TAPBPL: variants seen among roughly 807,000 people sequenced by gnomAD.
TAPBPL encodes TAP binding protein like, also known as tapasin-related protein.
Under a neutral mutation model 44.8 loss-of-function variants are expected in TAPBPL, and 32 were observed. The observed-to-expected ratio is 0.71, with a 90% CI of 0.54 to 0.96. TAPBPL has a LOEUF of 0.96. Among genes scored for constraint, TAPBPL ranks in the 40% least tolerant of loss-of-function variants. TAPBPL has a pLI of 0.00. For synonymous variants in TAPBPL, 230 were observed against 240.7 expected, an observed-to-expected ratio of 0.96 and a Z score of 0.41; for missense variants, 520 against 586.6, an observed-to-expected ratio of 0.89 and a Z score of 1.17.
chr12:6,459,065 T>G, intron 5 of TAPBPL, 118 bp downstream of exon 5: 1 of 1,173,080 alleles, frequency 8.5e-7, no homozygotes, highest in East Asian at 2.6e-5. Flanking sequence ...CCTGGCTTCA[T>G]GCTCCTGCCT....
At chr12:6,460,813 C>G (rs749883224) in intron 5 of TAPBPL, 42 bp from the exon 6 acceptor site, 2 of 1,602,120 alleles carry the variant, frequency 1.2e-6, no homozygotes, top group Admixed American at 1.7e-5. Context: ...GCTCATGATT[C>G]CTGCGCACGA....
chr12:6,462,145 G>A lies in TAPBPL; in HGVS notation c.1403G>A (p.Ser468Asn). 1 of 1,609,250 alleles carries A rather than the reference G, an allele frequency of 6.2e-7. No homozygotes were observed. The change falls in exon 7 of 7, where the codon AGC becomes AAC. Residue 468 changes from serine (S) to asparagine (N), a missense_variant. Transcript: ENST00000266556. ...EDRTARVSQP[S>N] ...CGCACAGCGCGTGTAAGCCAGCCCA[G>A]CTGACCTAAAGCGACATGAGACTAC...
In TAPBPL at chr12:6,453,039, C is replaced by T. The variant is rs766721749; in HGVS notation, c.65-28C>T. On this transcript the variant is annotated intron_variant, in intron 1 of 6. Coordinates refer to ENST00000266556, the MANE Select transcript of TAPBPL (RefSeq NM_018009.5). This position sits in a 1 kb window ranked among gnomAD's most constrained non-coding sequence, Gnocchi z 4.8. Reference sequence around the variant, plus strand: ...GTGTGGAGTAGCTTTCTGGGGAAGGCGGTGCTCACCCCAGCCTTTGTCTGC... The same window carrying T: ...GTGTGGAGTAGCTTTCTGGGGAAGGTGGTGCTCACCCCAGCCTTTGTCTGC... 40 of 1,546,300 alleles carry T rather than the reference C, an allele frequency of 2.6e-5. No homozygotes were observed. The highest frequency in any genetic ancestry group is 3.3e-5 in the Non-Finnish European group (38 of 1,143,252).
intron 5 of TAPBPL, 92 bp from the exon 6 acceptor site, chr12:6,460,763 G>A: frequency 8.1e-7 from 1 of 1,237,348 alleles, no homozygotes; most frequent in Non-Finnish European, 1.2e-6. Flanking sequence ...ACAATCCTTA[G>A]CTCCTCCTCC....
downstream of TAPBPL, among the ~76,000 whole-genome samples, chr12:6,468,405 G>A (rs1215058397): frequency 6.6e-6 from 1 of 152,234 alleles, no homozygotes; most frequent in African/African-American, 2.4e-5. Context: ...TAGGTGGAGT[G>A]AGTCAGGACT....
chr12:6,460,166 A>G lies in TAPBPL; in HGVS notation c.1208-689A>G, dbSNP rs1317034785. 2.0e-5 allele frequency among the ~76,000 whole-genome samples: 3 copies of G among 152,208 alleles called. No individual in the cohort carries two copies. The East Asian group carries it at 5.8e-4, about 29-fold the overall frequency. On this transcript the variant is annotated intron_variant, in intron 5 of 6. Coordinates refer to ENST00000266556, the MANE Select transcript of TAPBPL (RefSeq NM_018009.5). ...TGGGCATTATTTGGTTGCTCATTAGACTGTGAACTTCCCCAAAACTGAGGT... is the reference window on the plus strand; with the variant it reads ...TGGGCATTATTTGGTTGCTCATTAGGCTGTGAACTTCCCCAAAACTGAGGT...
chr12:6,464,914 C>T (rs1273511244), downstream of TAPBPL: 3 of 1,613,880 alleles, frequency 1.9e-6, no homozygotes, highest in Admixed American at 1.7e-5. Context: ...ACGATGATGG[C>T]ACAGATGGCT....
downstream of TAPBPL, chr12:6,466,789 G>A (rs1052020747): frequency 3.6e-5 from 6 of 168,606 alleles, no homozygotes; most frequent in African/African-American, 1.4e-4. Context: ...TGGCTACAGG[G>A]ACATATGGCC....
rs562095281 is a variant in TAPBPL, at chr12:6,457,286, C to G, written c.566-120C>G. 1.1e-4 allele frequency: 105 copies of G among 931,712 alleles called. 2 individuals carry two copies. In the South Asian group the frequency reaches 1.7e-3, roughly 15 times the overall value. The allele number at this position is 931,712 out of a possible 1,614,324, so 57.7% of individuals were successfully genotyped here. On this transcript the variant is annotated intron_variant, in intron 3 of 6. Transcript: ENST00000266556. ...GGTTCCATGTGATGGAAAATAAGCTCAACCGGCCTGTCAGGCGAGGAAGAG... is the reference window on the plus strand; with the variant it reads ...GGTTCCATGTGATGGAAAATAAGCTGAACCGGCCTGTCAGGCGAGGAAGAG...
intron 3 of TAPBPL, among the ~76,000 whole-genome samples, chr12:6,455,057 T>C (rs1285676273): frequency 6.6e-6 from 1 of 152,164 alleles, no homozygotes; most frequent in Non-Finnish European, 1.5e-5. Context: ...GGTATTTCTC[T>C]CTTTTTATTC....
At chr12:6,459,020 G>A in intron 5 of TAPBPL, 73 bp downstream of exon 5, 1 of 1,499,890 alleles carries the variant, frequency 6.7e-7, no homozygotes, top group Admixed American at 1.9e-5. Flanking sequence ...CTCATCTATG[G>A]CCTTGTTCTG....
downstream of TAPBPL, chr12:6,464,449 C>T (rs915375675): frequency 5.1e-6 from 8 of 1,565,572 alleles, no homozygotes; most frequent in Admixed American, 1.5e-4. Context: ...CAATGGACAA[C>T]AGGGAAGGGG....
chr12:6,452,151 G>A lies in TAPBPL; in HGVS notation c.-98G>A, dbSNP rs895237022. On this transcript the variant is annotated 5_prime_UTR_variant, in exon 1 of 7. The change creates a new upstream start codon in the 5' untranslated region. Transcript: ENST00000266556. ...AAACCTAAAGGCTGCAGGCTGCCAG[G>A]TGTGCTTGGAGAGCCCCCTTCTTCC... The A allele has an allele frequency of 7.1e-7, 1 of 1,406,722 alleles. No individual in the cohort carries two copies. Among genetic ancestry groups the A allele is most frequent in the Non-Finnish European group, 9.8e-7 (1 of 1,017,430 alleles). The allele number at this position is 1,406,722 out of a possible 1,614,324, so 87.1% of individuals were successfully genotyped here. A position where few individuals can be genotyped will look rare whatever the true frequency, so the allele number is the denominator to read the frequency against.
downstream of TAPBPL, among the ~76,000 whole-genome samples, chr12:6,469,847 C>T (rs1945726057): frequency 6.6e-6 from 1 of 152,184 alleles, no homozygotes. Context: ...GCTCAGCTCT[C>T]CCTATTTCTC....
At position 6,458,646 on chromosome 12, in the gene TAPBPL, T is replaced by G; in HGVS notation, c.906T>G (p.Ala302=). Residue 302 remains alanine (A), a splice_region_variant and synonymous_variant, in exon 5 of 7, where the codon GCT becomes GCG. Transcript: ENST00000266556. The part of the protein sequence containing the change: ...AQQIIQLNIQ[A]SPKVRLSLAN... ...TCTTATTCCTCATTCTTTCTCCAGC[T>G]TCCCCTAAAGTACGACTGAGCTTGG... is the stretch of plus-strand genomic sequence containing the variant. 1.2e-6 allele frequency: 2 copies of G among 1,612,274 alleles called. No homozygotes were observed. The highest frequency in any genetic ancestry group is 1.7e-6 in the Non-Finnish European group (2 of 1,178,420).
downstream of TAPBPL, chr12:6,465,368 ATATAAATG>A (rs1342542353): frequency 4.1e-4 from 41 of 100,574 alleles, 1 homozygote; most frequent in Admixed American, 7.6e-4. Flanking sequence ...GTATATATAT[ATATAAATG>A]TATATATATG....
At chr12:6,470,832 C>G (rs1280486520), downstream of TAPBPL, 3 of 515,626 alleles carry the variant, frequency 5.8e-6, no homozygotes, top group Non-Finnish European at 1.0e-5. Flanking sequence ...CAACTCTCCT[C>G]TCATCCGACT....
rs771582560 is a variant in TAPBPL, at chr12:6,453,320, C to G, written c.295+23C>G. ...CAGGTAAAAGCCTTCCACCTGTGTC[C>G]TTGGTCCTCCCGGGCTCCCTCCACC... is the stretch of plus-strand genomic sequence containing the variant. On this transcript the variant is annotated intron_variant, in intron 2 of 6. Transcript: ENST00000266556. The surrounding 1 kb of genome is among the most constrained non-coding windows in gnomAD (Gnocchi z 4.8). 1.9e-6 allele frequency: 3 copies of G among 1,612,452 alleles called. No homozygotes were observed. The highest frequency in any genetic ancestry group is 2.2e-5 in the South Asian group (2 of 90,860).
Position 6,453,167 on chromosome 12 carries a change from G to C in TAPBPL, c.165G>C (p.Glu55Asp). The change falls in exon 2 of 7, where the codon GAG (glutamate) becomes GAC (aspartate). Residue 55 changes from glutamate to aspartate, a missense_variant. Physicochemically the swap from Glu to Asp is conservative, Grantham distance 45. Transcript: ENST00000266556. This position sits in a 1 kb window ranked among gnomAD's most constrained non-coding sequence, Gnocchi z 4.8. ...ACCGTGGAGCTCTCGCCAGCAGTGA[G>C]GACAGGGCAAGGGCCTCCCTTGTGC... Reference protein sequence around the residue: ...GAHRGALASSEDRARASLVLK... With the variant: ...GAHRGALASSDDRARASLVLK... 6.2e-7 allele frequency: 1 copy of C among 1,609,668 alleles called. No individual in the cohort carries two copies. Among genetic ancestry groups the C allele is most frequent in the Non-Finnish European group, 8.5e-7 (1 of 1,178,386 alleles).
Sources: allele counts gnomAD v4.1 joint callset (sites outside exome capture counted in the v4.1 genomes callset), GRCh38; gene constraint gnomAD v4.1.1; non-coding constraint Gnocchi (gnomAD v3.1); transcripts MANE v1.5; gene names NCBI Gene and HGNC (gene_info 2026-07-23, HGNC 2026-07-21).